Variants in NRXN3 observed in about 807,000 individuals in gnomAD.
NRXN3 encodes the protein neurexin 3, also known as neurexin III.
Under a neutral mutation model 137.6 loss-of-function variants are expected in NRXN3, and 32 were observed. The ratio of observed to expected loss-of-function variants is 0.23; its 90% CI spans 0.18 to 0.31. The LOEUF (loss-of-function observed/expected upper bound fraction) is 0.31, where lower values mean the gene tolerates loss of function less well. NRXN3 is among the 10% of genes least tolerant of loss of function. The pLI, the probability that NRXN3 is intolerant of heterozygous loss-of-function variation, is 1.00. For synonymous variants in NRXN3, 798 were observed against 784.5 expected, an observed-to-expected ratio of 1.02 and a Z score of -0.29; for missense variants, 1,574 against 2,062.5, an observed-to-expected ratio of 0.76 and a Z score of 4.59.
At chr14:78,996,521 T>C (rs2099530428) in intron 15 of NRXN3, among the ~76,000 whole-genome samples, 1 of 152,226 alleles carries the variant, frequency 6.6e-6, no homozygotes, top group Admixed American at 6.5e-5. Context: ...TAACGACTTT[T>C]GTTAGCATCA....
intron 4 of NRXN3, among the ~76,000 whole-genome samples, chr14:78,326,022 T>C (rs1029121978): frequency 1.3e-5 from 2 of 152,170 alleles, no homozygotes; most frequent in Non-Finnish European, 2.9e-5. Context: ...CCCTTAGTCC[T>C]GGGCAAACCA....
At chr14:79,734,591 C>T (rs1347445870) in intron 19 of NRXN3, among the ~76,000 whole-genome samples, 1 of 151,968 alleles carries the variant, frequency 6.6e-6, no homozygotes, top group African/African-American at 2.4e-5. Context: ...TTGGAAGTAG[C>T]AAATACAAGA....
chr14:79,178,098 T>C (rs1261362098), intron 15 of NRXN3, among the ~76,000 whole-genome samples: 1 of 152,190 alleles, frequency 6.6e-6, no homozygotes, highest in East Asian at 1.9e-4. Context: ...TAGGCATCAC[T>C]GGGTGGGCTG....
intron 4 of NRXN3, among the ~76,000 whole-genome samples, chr14:78,554,903 T>C (rs2096724234): frequency 6.6e-6 from 1 of 152,124 alleles, no homozygotes; most frequent in Admixed American, 6.5e-5. Flanking sequence ...GTCCTAGCCA[T>C]CCACCAAGCC....
At chr14:79,381,528 A>G (rs566730888) in intron 15 of NRXN3, among the ~76,000 whole-genome samples, 3 of 152,068 alleles carry the variant, frequency 2.0e-5, no homozygotes, top group Non-Finnish European at 2.9e-5. Flanking sequence ...TCCTCTGAGG[A>G]CGATGAACCC....
At chr14:79,234,339 T>TATAA (rs2072976213) in intron 15 of NRXN3, among the ~76,000 whole-genome samples, 4 of 108,716 alleles carry the variant, frequency 3.7e-5, no homozygotes, top group Non-Finnish European at 3.7e-5. Context: ...TATATATATA[T>TATAA]AATATTTATA....
rs186905060 is a variant in NRXN3, at chr14:79,758,330, G to A, written c.4015-46782G>A. ...AGCATGGCACCAGCATCTCCTTCTG[G>A]TGCTGCCCCTAGGAAGCTTTCACTC... On this transcript the variant is annotated intron_variant, in intron 19 of 20. Transcript: ENST00000335750. Among the ~76,000 whole-genome samples, 271 of 152,248 alleles carry A rather than the reference G, an allele frequency of 1.8e-3. 1 individual carries two copies. Among genetic ancestry groups the A allele is most frequent in the African/African-American group, 5.8e-3 (243 of 41,552 alleles).
At chr14:79,469,058 C>A (rs1303299854) in intron 16 of NRXN3, among the ~76,000 whole-genome samples, 2 of 152,238 alleles carry the variant, frequency 1.3e-5, no homozygotes, top group African/African-American at 4.8e-5. Context: ...CTACATATAA[C>A]TTAATGACTA....
chr14:79,715,733 G>A (rs1017643384), intron 19 of NRXN3, among the ~76,000 whole-genome samples: 2 of 152,184 alleles, frequency 1.3e-5, no homozygotes, highest in African/African-American at 4.8e-5. Flanking sequence ...TGATAAAGGA[G>A]GACAGGCTTC....
intron 15 of NRXN3, among the ~76,000 whole-genome samples, chr14:79,125,901 T>G (rs1247967814): frequency 6.6e-6 from 1 of 152,198 alleles, no homozygotes; most frequent in Non-Finnish European, 1.5e-5. Context: ...CCAAATAAAT[T>G]ATTTCATACG....
chr14:78,461,517 C>G (rs1312629490), intron 4 of NRXN3, among the ~76,000 whole-genome samples: 1 of 152,158 alleles, frequency 6.6e-6, no homozygotes, highest in Non-Finnish European at 1.5e-5. Context: ...CATGGATGTT[C>G]TCTCGGTTCT....
At chr14:79,655,425 T>C (rs1008068430) in intron 16 of NRXN3, among the ~76,000 whole-genome samples, 8 of 152,224 alleles carry the variant, frequency 5.3e-5, no homozygotes, top group Non-Finnish European at 2.9e-5. Context: ...AACACAATTT[T>C]AGATCAAATA....
At chr14:79,058,530 T>C (rs188856388) in intron 15 of NRXN3, among the ~76,000 whole-genome samples, 17 of 152,282 alleles carry the variant, frequency 1.1e-4, no homozygotes, top group African/African-American at 3.1e-4. Context: ...ATTCTTGCAC[T>C]GGGTAGGACT....
intron 6 of NRXN3, chr14:78,708,550 AAAGT>A (rs1055752539): frequency 6.6e-6 from 1 of 152,240 alleles, no homozygotes; most frequent in Non-Finnish European, 1.5e-5. Context: ...GGCACAGTGA[AAAGT>A]AAGTCACCCT....
Position 78,243,108 on chromosome 14 carries a change from C to G in NRXN3, c.15C>G (p.Leu5=). ...CAGCAGCGACAATGAGCTCCACACT[C>G]CACTCGGTTTTCTTCACCCTGAAGG... The part of the protein sequence containing the change: MSST[L]HSVFFTLKVS... Residue 5 remains leucine, a synonymous_variant, in exon 2 of 21, where the codon CTC becomes CTG. Coordinates refer to ENST00000335750, the MANE Select transcript of NRXN3 (RefSeq NM_001330195.2). The surrounding 1 kb of genome is among the most constrained non-coding windows in gnomAD (Gnocchi z 4.2). 1 of 1,531,858 alleles carries G rather than the reference C, an allele frequency of 6.5e-7. No homozygotes were observed. Among genetic ancestry groups the G allele is most frequent in the Non-Finnish European group, 8.7e-7 (1 of 1,145,808 alleles). The allele number at this position is 1,531,858 out of a possible 1,614,324, so 94.9% of individuals were successfully genotyped here.
chr14:78,592,718 C>A (rs573446502), intron 4 of NRXN3, among the ~76,000 whole-genome samples: 2 of 152,162 alleles, frequency 1.3e-5, no homozygotes, highest in Non-Finnish European at 2.9e-5. Flanking sequence ...GTGCAACGGG[C>A]CCATTGTTCT....
At chr14:79,623,947 C>A (rs558628750) in intron 16 of NRXN3, among the ~76,000 whole-genome samples, 15 of 150,088 alleles carry the variant, frequency 1.0e-4, no homozygotes, top group African/African-American at 3.7e-4. Context: ...CTTCCACTAC[C>A]GTTGTCTTTT....
At chr14:79,671,167 A>G (rs1567842608) in intron 17 of NRXN3, among the ~76,000 whole-genome samples, 2 of 152,014 alleles carry the variant, frequency 1.3e-5, no homozygotes, top group African/African-American at 2.4e-5. Flanking sequence ...TCTTATTCCC[A>G]TTTTTTTAGA....
chr14:78,484,931 T>C (rs1453699797), intron 4 of NRXN3, among the ~76,000 whole-genome samples: 1 of 152,200 alleles, frequency 6.6e-6, no homozygotes, highest in Non-Finnish European at 1.5e-5. Context: ...TGTGAATTAG[T>C]GCAGAATAAA....
Sources: gnomAD v4.1 joint callset for allele counts (sites outside exome capture counted in the v4.1 genomes callset) on GRCh38, gnomAD v4.1.1 for gene constraint, Gnocchi (gnomAD v3.1) non-coding constraint, MANE v1.5 for transcripts, NCBI Gene and HGNC (gene_info 2026-07-23, HGNC 2026-07-21) for gene names.